NTM: variants seen among roughly 807,000 people sequenced by gnomAD.
The protein encoded by NTM is IgLON family member 2.
A neutral mutation model predicts 42.1 loss-of-function variants in NTM; 13 were observed. The observed-to-expected ratio is 0.31, with a 90% CI of 0.20 to 0.49. The LOEUF is 0.49. Among genes scored for constraint, NTM ranks in the 20% least tolerant of loss-of-function variants. The probability of loss-of-function intolerance (pLI) is 0.99; values close to 1 mark genes in which losing one functional copy is unlikely to be tolerated. For synonymous variants in NTM, 187 were observed against 179.2 expected (o/e 1.04, Z -0.35); for missense variants, 373 against 452.8 (o/e 0.82, Z 1.60).
At chr11:132,251,138 G>A (rs889010838) in intron 4 of NTM, among the ~76,000 whole-genome samples, 3 of 152,146 alleles carry the variant, frequency 2.0e-5, no homozygotes, top group African/African-American at 7.2e-5. Flanking sequence ...TTGTCTTTTG[G>A]TTCACTCCCA....
chr11:131,582,865 A>G (rs891394632), intron 1 of NTM, among the ~76,000 whole-genome samples: 7 of 151,566 alleles, frequency 4.6e-5, no homozygotes, highest in African/African-American at 1.7e-4. Flanking sequence ...AGAGCTGGGC[A>G]CTGTGAGTCC....
At chr11:131,662,433 T>A (rs987488295) in intron 1 of NTM, 8 of 152,192 alleles carry the variant, frequency 5.3e-5, no homozygotes, top group African/African-American at 1.4e-4. Flanking sequence ...ATGGGGAAAA[T>A]TAAGCTGCCA....
At chr11:132,037,940 A>G (rs2076707879) in intron 2 of NTM, among the ~76,000 whole-genome samples, 1 of 152,252 alleles carries the variant, frequency 6.6e-6, no homozygotes, top group African/African-American at 2.4e-5. Context: ...CACACAAAGT[A>G]ATTGCACCAA....
intron 4 of NTM, among the ~76,000 whole-genome samples, chr11:132,222,070 G>A (rs970574053): frequency 1.3e-5 from 2 of 152,106 alleles, no homozygotes; most frequent in Admixed American, 1.3e-4. Flanking sequence ...TCATCGCGCT[G>A]GACTCCAGGC....
At chr11:132,197,317 C>T (rs576265778) in intron 3 of NTM, among the ~76,000 whole-genome samples, 7 of 152,088 alleles carry the variant, frequency 4.6e-5, no homozygotes, top group African/African-American at 1.7e-4. Context: ...TTTGGTTACA[C>T]AGAGATTGGG....
intron 1 of NTM, among the ~76,000 whole-genome samples, chr11:131,502,048 C>A (rs913874450): frequency 6.6e-6 from 1 of 152,062 alleles, no homozygotes; most frequent in African/African-American, 2.4e-5. Context: ...GAAACATCAG[C>A]CTGTAGATGG....
At chr11:131,914,190 G>A (rs1411912768) in intron 2 of NTM, among the ~76,000 whole-genome samples, 3 of 152,316 alleles carry the variant, frequency 2.0e-5, no homozygotes. Context: ...TAACCTGACT[G>A]TAGGTTGCAA....
chr11:131,817,886 T>C (rs745489842), intron 1 of NTM, among the ~76,000 whole-genome samples: 5 of 152,268 alleles, frequency 3.3e-5, no homozygotes, highest in Non-Finnish European at 4.4e-5. Flanking sequence ...GAGAGGCCCT[T>C]GGGGCTGGTG....
chr11:131,395,006 G>A (rs949934110), intron 1 of NTM, among the ~76,000 whole-genome samples: 2 of 152,140 alleles, frequency 1.3e-5, no homozygotes, highest in African/African-American at 2.4e-5. Flanking sequence ...TTAGGTACGG[G>A]ACCTTTCTCT....
intron 2 of NTM, among the ~76,000 whole-genome samples, chr11:131,917,858 C>T (rs1421557621): frequency 6.6e-6 from 1 of 152,206 alleles, no homozygotes; most frequent in East Asian, 1.9e-4. Flanking sequence ...CCTGGAAGCA[C>T]ATTCAGCTGT....
intron 2 of NTM, among the ~76,000 whole-genome samples, chr11:131,965,719 G>T (rs753134166): frequency 3.3e-5 from 5 of 152,182 alleles, no homozygotes; most frequent in African/African-American, 9.6e-5. Context: ...TCAGGCTGCC[G>T]CCCAGAAAGG....
intron 2 of NTM, among the ~76,000 whole-genome samples, chr11:131,948,645 A>G (rs1438345877): frequency 6.6e-6 from 1 of 152,140 alleles, no homozygotes; most frequent in Admixed American, 6.5e-5. Flanking sequence ...TCTGCCTGGA[A>G]AGGCCATCCT....
chr11:131,391,644 G>GAAAAA (rs5795723), intron 1 of NTM, among the ~76,000 whole-genome samples: 262 of 81,412 alleles, frequency 3.2e-3, no homozygotes, highest in Non-Finnish European at 3.4e-3. Flanking sequence ...TTTTATCTGG[G>GAAAAA]AAAAAAAAAA....
intron 1 of NTM, among the ~76,000 whole-genome samples, chr11:131,680,444 T>TGCCTGTGTCTGTGTCTGTG (rs2072305554): frequency 3.1e-5 from 3 of 98,026 alleles, no homozygotes; most frequent in Non-Finnish European, 6.7e-5. Context: ...TGTGAGATCA[T>TGCCTGTGTCTGTGTCTGTG]ATCTGTGTCT....
chr11:131,388,856 A>G (rs1416936529), intron 1 of NTM, among the ~76,000 whole-genome samples: 2 of 151,718 alleles, frequency 1.3e-5, no homozygotes, highest in African/African-American at 4.8e-5. Flanking sequence ...TACTAAAAAT[A>G]TAAAAATTAT....
At position 131,672,857 on chromosome 11, in the gene NTM, G is replaced by T. The variant is rs1399526443; in HGVS notation, c.83-238707G>T. 2.4e-5 allele frequency among the ~76,000 whole-genome samples: 3 copies of T among 123,952 alleles called. No individual in the cohort carries two copies. The Admixed American group carries it at 2.6e-4, about 11-fold the overall frequency. The allele number at this position is 123,952 out of a possible 152,430, so 81.3% of individuals were successfully genotyped here. On this transcript the variant is annotated intron_variant, in intron 1 of 8. Coordinates refer to ENST00000683400, the MANE Select transcript of NTM (RefSeq NM_001352005.2). ...ACCACGGTGCCGGGGTGGGGGTGGG[G>T]TGTGACCGTGTTCCTTGCCTATTTC...
intron 1 of NTM, among the ~76,000 whole-genome samples, chr11:131,405,509 T>A (rs1945715472): frequency 6.6e-6 from 1 of 152,172 alleles, no homozygotes; most frequent in Non-Finnish European, 1.5e-5. Context: ...TTCTTGTTAG[T>A]TCTACCTATA....
intron 1 of NTM, among the ~76,000 whole-genome samples, chr11:131,428,301 C>T (rs116699940): frequency 2.0e-5 from 3 of 152,360 alleles, no homozygotes; most frequent in African/African-American, 7.2e-5. Context: ...TAGCTGAGCA[C>T]GTGAACATCA....
intron 1 of NTM, among the ~76,000 whole-genome samples, chr11:131,681,441 A>G (rs1383584705): frequency 0.043 from 95 of 2,208 alleles, no homozygotes; most frequent in African/African-American, 0.078. Flanking sequence ...CTGTGTCTGT[A>G]TGTCTGTGTG....
Sources: allele counts gnomAD v4.1 joint callset (sites outside exome capture counted in the v4.1 genomes callset), GRCh38; gene constraint gnomAD v4.1.1; transcripts MANE v1.5; gene names NCBI Gene and HGNC (gene_info 2026-07-23, HGNC 2026-07-21).